The following GPC3 variants were observed in gnomAD, a reference collection of about 807,000 sequenced individuals.
GPC3 encodes the protein glypican 3.
A neutral mutation model predicts 34.4 loss-of-function variants in GPC3; 3 were observed. That is an observed-to-expected ratio of 0.09 (90% confidence interval 0.04 to 0.23). The LOEUF (loss-of-function observed/expected upper bound fraction) is 0.23. GPC3 is among the 10% of genes least tolerant of loss of function. The pLI, the probability that GPC3 is intolerant of heterozygous loss-of-function variation, is 1.00. For missense variants in GPC3, 351 were observed against 445.6 expected (o/e 0.79, Z 1.91); for synonymous variants, 177 against 174.0 (o/e 1.02, Z -0.13).
chrX:133,921,497 T>A lies in GPC3; in HGVS notation c.337+31553A>T, dbSNP rs146243523. ...AGCATCTGTACATATGATTTCAAAG[T>A]GGTGCAGACAGGCTGAGTAACTTGA... On this transcript the variant is annotated intron_variant, in intron 2 of 7. Coordinates refer to ENST00000370818, the MANE Select transcript of GPC3 (RefSeq NM_004484.4). Among the ~76,000 whole-genome samples the A allele has an allele frequency of 9.8e-5, 11 of 112,660 alleles. No individual in the cohort carries two copies. The East Asian group carries it at 3.1e-3, about 31-fold the overall frequency.
At chrX:133,590,935 G>A (rs1437020638) in intron 7 of GPC3, among the ~76,000 whole-genome samples, 1 of 111,968 alleles carries the variant, frequency 8.9e-6, no homozygotes, top group African/African-American at 3.2e-5. Context: ...CAAGACTTGT[G>A]TGTACACTCC....
intron 2 of GPC3, among the ~76,000 whole-genome samples, chrX:133,880,346 T>C (rs1442664683): frequency 5.4e-5 from 6 of 112,060 alleles, no homozygotes; most frequent in Admixed American, 1.9e-4. Context: ...TGTTGCTATA[T>C]GACCGCAGCT....
At chrX:133,759,421 C>A (rs892446857) in intron 2 of GPC3, among the ~76,000 whole-genome samples, 2 of 111,610 alleles carry the variant, frequency 1.8e-5, no homozygotes, top group African/African-American at 6.5e-5. Context: ...AAAAACAGAT[C>A]CATGGAACAA....
At chrX:133,809,794 G>A (rs2075655651) in intron 2 of GPC3, among the ~76,000 whole-genome samples, 2 of 111,464 alleles carry the variant, frequency 1.8e-5, no homozygotes, top group Non-Finnish European at 1.9e-5. Context: ...TTTATTCTGC[G>A]AGTCCTTGTT....
chrX:133,541,394 AT>A (rs2069342087), intron 7 of GPC3, among the ~76,000 whole-genome samples: 1 of 111,960 alleles, frequency 8.9e-6, no homozygotes, highest in Non-Finnish European at 1.9e-5. Context: ...TTTATCAGTG[AT>A]TTTCCAGAAT....
At chrX:133,648,069 C>G (rs1398897360) in intron 6 of GPC3, among the ~76,000 whole-genome samples, 1 of 111,770 alleles carries the variant, frequency 8.9e-6, no homozygotes, top group African/African-American at 3.3e-5. Context: ...GAGACCCAAA[C>G]CACTGCCTGC....
At chrX:133,666,178 C>T (rs1199167758) in intron 5 of GPC3, among the ~76,000 whole-genome samples, 1 of 111,525 alleles carries the variant, frequency 9.0e-6, no homozygotes, top group Non-Finnish European at 1.9e-5. Flanking sequence ...GAAAAGTGCC[C>T]CTTTAGCTAT....
intron 5 of GPC3, among the ~76,000 whole-genome samples, chrX:133,691,160 A>G (rs1409657409): frequency 9.0e-6 from 1 of 111,699 alleles, no homozygotes; most frequent in African/African-American, 3.3e-5. Context: ...TTTCCTTTTC[A>G]GTGATGAGCA....
At chrX:133,616,852 C>T (rs975704312) in intron 6 of GPC3, among the ~76,000 whole-genome samples, 7 of 108,893 alleles carry the variant, frequency 6.4e-5, no homozygotes, top group Non-Finnish European at 1.3e-4. Context: ...TGCCCGCCAC[C>T]TCGCCCAGCT....
At position 133,913,335 on chromosome X, in the gene GPC3, G is replaced by C. The variant is rs2076209724; in HGVS notation, c.337+39715C>G. On this transcript the variant is annotated intron_variant, in intron 2 of 7. Transcript: ENST00000370818. The stretch of plus-strand genomic sequence containing the variant: ...AAGAGAAACATCCATGGAGAAGAAA[G>C]GGATGAGGAAAAATAAGTGCCAATG... Among the ~76,000 whole-genome samples the C allele has an allele frequency of 3.6e-5, 4 of 112,386 alleles. No individual in the cohort carries two copies. The South Asian group carries it at 1.1e-3, about 31-fold the overall frequency.
chrX:133,717,026 TCTCAA>T (rs1431993142), intron 3 of GPC3, among the ~76,000 whole-genome samples: 1 of 110,929 alleles, frequency 9.0e-6, no homozygotes, highest in African/African-American at 3.3e-5. Flanking sequence ...AGTGGCGTGA[TCTCAA>T]CTCATTGCAA....
chrX:133,574,759 G>A (rs781364324), intron 7 of GPC3, among the ~76,000 whole-genome samples: 3 of 112,091 alleles, frequency 2.7e-5, no homozygotes, highest in Admixed American at 1.9e-4. Context: ...TAGTCATATC[G>A]CATCCCACAC....
At chrX:133,804,136 A>G (rs2075624392) in intron 2 of GPC3, among the ~76,000 whole-genome samples, 1 of 111,269 alleles carries the variant, frequency 9.0e-6, no homozygotes, top group African/African-American at 3.3e-5. Context: ...TATATCTCTC[A>G]AACTTGCTTT....
intron 3 of GPC3, among the ~76,000 whole-genome samples, chrX:133,710,762 G>A (rs2071258954): frequency 8.9e-6 from 1 of 112,127 alleles, no homozygotes; most frequent in Non-Finnish European, 1.9e-5. Context: ...AGGGATGGGA[G>A]ACAGGTTTTA....
intron 3 of GPC3, among the ~76,000 whole-genome samples, chrX:133,716,425 T>C (rs2071313824): frequency 8.9e-6 from 1 of 111,876 alleles, no homozygotes; most frequent in South Asian, 3.7e-4. Context: ...CCTAAAGAAC[T>C]AAAAGATGGT....
chrX:133,645,959 C>A (rs373766429), intron 6 of GPC3, among the ~76,000 whole-genome samples: 64 of 108,991 alleles, frequency 5.9e-4, no homozygotes, highest in African/African-American at 2.0e-3. Context: ...AGGAAGGCAA[C>A]ATGTCTTTTT....
At chrX:133,704,961 A>G (rs2071201183) in intron 3 of GPC3, among the ~76,000 whole-genome samples, 1 of 111,471 alleles carries the variant, frequency 9.0e-6, no homozygotes, top group African/African-American at 3.3e-5. Flanking sequence ...TCAGGCCCCT[A>G]TTCACTGTTG....
intron 2 of GPC3, among the ~76,000 whole-genome samples, chrX:133,884,619 C>T (rs2076054961): frequency 1.8e-5 from 2 of 111,762 alleles, no homozygotes; most frequent in African/African-American, 6.5e-5. Context: ...CCCCAAATCA[C>T]AAGCTGTAGA....
intron 6 of GPC3, among the ~76,000 whole-genome samples, chrX:133,615,808 CAT>C (rs1376178821): frequency 9.1e-6 from 1 of 109,293 alleles, no homozygotes; most frequent in East Asian, 2.8e-4. Flanking sequence ...TGAAAAACCA[CAT>C]GATTATCACA....
Sources: allele counts gnomAD v4.1 joint callset (sites outside exome capture counted in the v4.1 genomes callset), GRCh38; gene constraint gnomAD v4.1.1; transcripts MANE v1.5; gene names NCBI Gene and HGNC (gene_info 2026-07-23, HGNC 2026-07-21).